The following CIMIP2C variants were observed in gnomAD, a reference collection of about 807,000 sequenced individuals.
The protein encoded by CIMIP2C is UPF0573 protein C2orf70.
At chr2:26,568,186 C>A in the CIMIP2C span, among the ~76,000 whole-genome samples, 29 of 152,342 alleles carry the variant, frequency 1.9e-4, no homozygotes, top group East Asian at 5.6e-3. Flanking sequence ...TCCCTCAATT[C>A]TTCTCCCTCT....
At chr2:26,578,786 C>T in the CIMIP2C span, 6 of 471,224 alleles carry the variant, frequency 1.3e-5, no homozygotes, top group South Asian at 9.3e-5. Flanking sequence ...GGTTGCCTGG[C>T]CACTTGCACT....
At chr2:26,566,829 C>T in the CIMIP2C span, among the ~76,000 whole-genome samples, 1 of 152,188 alleles carries the variant, frequency 6.6e-6, no homozygotes, top group Non-Finnish European at 1.5e-5. Context: ...AAGTGATCCT[C>T]CCACCTCAGC....
the CIMIP2C span, chr2:26,562,601 C>G: frequency 6.4e-7 from 1 of 1,569,594 alleles, no homozygotes; most frequent in Admixed American, 1.9e-5. Context: ...TCGCTGTACT[C>G]GCGCACCCAC....
chr2:26,574,939 G>A, the CIMIP2C span, among the ~76,000 whole-genome samples: 119 of 152,362 alleles, frequency 7.8e-4, no homozygotes, highest in Non-Finnish European at 1.4e-3. Context: ...AGGCATGCAT[G>A]GGGGCACAGG....
the CIMIP2C span, among the ~76,000 whole-genome samples, chr2:26,574,537 C>G: frequency 6.6e-6 from 1 of 152,136 alleles, no homozygotes. Context: ...GTCTGGTGTG[C>G]AATTGTACAT....
the CIMIP2C span, among the ~76,000 whole-genome samples, chr2:26,574,754 G>A: frequency 1.3e-5 from 2 of 152,360 alleles, no homozygotes; most frequent in East Asian, 3.9e-4. Flanking sequence ...GAGCAAAGGT[G>A]TCATCCAAAC....
chr2:26,576,150 C>A, the CIMIP2C span: 1 of 1,613,996 alleles, frequency 6.2e-7, no homozygotes, highest in Non-Finnish European at 8.5e-7. Flanking sequence ...AGCCATCGCT[C>A]CACAGAGCTT....
the CIMIP2C span, among the ~76,000 whole-genome samples, chr2:26,573,819 C>T: frequency 6.6e-6 from 1 of 152,196 alleles, no homozygotes; most frequent in Non-Finnish European, 1.5e-5. Context: ...AGCCTCTCCC[C>T]TCTGCAGCCT....
chr2:26,568,468 C>A, the CIMIP2C span, among the ~76,000 whole-genome samples: 2 of 152,350 alleles, frequency 1.3e-5, no homozygotes, highest in African/African-American at 4.8e-5. Flanking sequence ...CCTTGAGGAA[C>A]TGTGGAGCCC....
At chr2:26,575,875 C>T in the CIMIP2C span, 3 of 1,604,168 alleles carry the variant, frequency 1.9e-6, no homozygotes, top group South Asian at 3.3e-5. Flanking sequence ...TGATCTGTGG[C>T]TCCACCACCC....
the CIMIP2C span, among the ~76,000 whole-genome samples, chr2:26,572,739 G>A: frequency 2.6e-5 from 4 of 152,162 alleles, no homozygotes; most frequent in East Asian, 1.9e-4. Context: ...TCCTCCCCAC[G>A]GGCAGAGCCT....
the CIMIP2C span, among the ~76,000 whole-genome samples, chr2:26,570,204 G>A: frequency 8.5e-5 from 13 of 152,358 alleles, no homozygotes; most frequent in South Asian, 4.1e-4. Flanking sequence ...GAGCAGAGGA[G>A]GAGTATGGCA....
At chr2:26,570,896 G>T in the CIMIP2C span, among the ~76,000 whole-genome samples, 14 of 152,320 alleles carry the variant, frequency 9.2e-5, no homozygotes, top group Non-Finnish European at 1.9e-4. Context: ...CCACAGGCCA[G>T]TGGCTAAGGA....
chr2:26,577,273 C>T, the CIMIP2C span, among the ~76,000 whole-genome samples: 1 of 152,186 alleles, frequency 6.6e-6, no homozygotes. Context: ...GTTTACTCTC[C>T]ATAGCAAAGC....
At chr2:26,564,106 G>A in the CIMIP2C span, among the ~76,000 whole-genome samples, 6 of 152,250 alleles carry the variant, frequency 3.9e-5, no homozygotes, top group Non-Finnish European at 7.3e-5. Flanking sequence ...CTGCCCTAGT[G>A]TGGTGTAAAC....
chr2:26,564,361 G>T, the CIMIP2C span, among the ~76,000 whole-genome samples: 1 of 152,210 alleles, frequency 6.6e-6, no homozygotes, highest in African/African-American at 2.4e-5. Context: ...GGTGGGAGCT[G>T]CAGGTTTCAG....
the CIMIP2C span, among the ~76,000 whole-genome samples, chr2:26,574,009 AG>A: frequency 6.6e-6 from 1 of 152,364 alleles, no homozygotes; most frequent in Non-Finnish European, 1.5e-5. Flanking sequence ...AAGACAGAAA[AG>A]AAGGAAACCA....
At chr2:26,578,683 C>CAGGTATCCT in the CIMIP2C span, 7 of 464,556 alleles carry the variant, frequency 1.5e-5, no homozygotes, top group East Asian at 4.9e-4. Context: ...CTCCTGGGGA[C>CAGGTATCCT]AGGTATCCTC....
the CIMIP2C span, chr2:26,576,146 C>G: frequency 6.2e-7 from 1 of 1,614,048 alleles, no homozygotes; most frequent in South Asian, 1.1e-5. Context: ...GGACAGCCAT[C>G]GCTCCACAGA....
Sources: gnomAD v4.1 joint callset for allele counts (sites outside exome capture counted in the v4.1 genomes callset) on GRCh38, gnomAD v4.1.1 for gene constraint, MANE v1.5 for transcripts, NCBI Gene and HGNC (gene_info 2026-07-23, HGNC 2026-07-21) for gene names.